Variants in SPEF2 observed in about 807,000 individuals in gnomAD.
SPEF2 encodes sperm flagellar and cilia associated 2.
In SPEF2, 187 loss-of-function variants were observed where a neutral mutation model predicts 224.6. That is an observed-to-expected ratio of 0.83 (90% confidence interval 0.74 to 0.94). The LOEUF is 0.94. Among genes scored for constraint, SPEF2 ranks in the 40% least tolerant of loss-of-function variants. The pLI is 0.00. For synonymous variants in SPEF2, 715 were observed against 707.3 expected, an observed-to-expected ratio of 1.01 and a Z score of -0.17; for missense variants, 2,170 against 2,135.6, an observed-to-expected ratio of 1.02 and a Z score of -0.32.
intron 30 of SPEF2, among the ~76,000 whole-genome samples, chr5:35,787,006 A>G (rs1046399273): frequency 1.3e-5 from 2 of 152,240 alleles, no homozygotes; most frequent in African/African-American, 4.8e-5. Flanking sequence ...GATTAGTAGC[A>G]TCAAAGAATG....
chr5:35,667,253 CAAAT>C lies in SPEF2; in HGVS notation c.1352_1355del (p.Asn451IlefsTer2), dbSNP rs1352796737. The C allele has an allele frequency of 1.9e-6, 3 of 1,591,332 alleles. No homozygotes were observed. Among genetic ancestry groups the C allele is most frequent in the South Asian group, 1.1e-5 (1 of 87,060 alleles). On this transcript the variant is annotated frameshift_variant and splice_region_variant, in exon 9 of 37. Coordinates refer to ENST00000356031, the MANE Select transcript of SPEF2 (RefSeq NM_024867.4). LOFTEE classifies it high-confidence loss of function. ...AAAGTGGCAGACTATCGAATGTTGACAAATAAGTAAGTATTTTTTTTGTAATAAC... is the reference window on the plus strand; with the variant it reads ...AAAGTGGCAGACTATCGAATGTTGACAAGTAAGTATTTTTTTTGTAATAAC...
At chr5:35,647,394 T>C (rs4703366) in intron 5 of SPEF2, among the ~76,000 whole-genome samples, 91,788 of 151,472 alleles carry the variant, frequency 0.61, 28,494 homozygotes, top group East Asian at 0.74. Context: ...CTCATGGGAA[T>C]TGATAGAGTC....
At chr5:35,623,772 A>C (rs60390801) in intron 1 of SPEF2, among the ~76,000 whole-genome samples, 1 of 152,220 alleles carries the variant, frequency 6.6e-6, no homozygotes, top group Non-Finnish European at 1.5e-5. Context: ...TAATCATTAA[A>C]GATCTGTTAT....
At position 35,670,210 on chromosome 5, in the gene SPEF2, G is replaced by A. The variant is rs1411241277; in HGVS notation, c.1507G>A (p.Asp503Asn). 2 of 1,608,778 alleles carry A rather than the reference G, an allele frequency of 1.2e-6. No homozygotes were observed. The highest frequency in any genetic ancestry group is 1.7e-6 in the Non-Finnish European group (2 of 1,177,390). ...GAAAAGGGACTTGCTAGATACCAATGATTATGAAGAATATAAGGTACCTAC... is the reference window on the plus strand; with the variant it reads ...GAAAAGGGACTTGCTAGATACCAATAATTATGAAGAATATAAGGTACCTAC... ...LEKRDLLDTN[D>N]YEEYKNMVGE... The change falls in exon 10 of 37, where the codon GAT becomes AAT. Residue 503 changes from aspartate to asparagine, a missense_variant. Transcript: ENST00000356031.
chr5:35,661,247 G>GTATATATTATATATATATATATATA (rs1235231970), intron 8 of SPEF2, among the ~76,000 whole-genome samples: 1 of 73,326 alleles, frequency 1.4e-5, no homozygotes, highest in Admixed American at 1.7e-4. Context: ...TTTTTTTTTG[G>GTATATATTATATATATATATATATA]TATATATTAT....
intron 23 of SPEF2, among the ~76,000 whole-genome samples, chr5:35,742,375 G>A (rs922696252): frequency 6.6e-6 from 1 of 151,750 alleles, no homozygotes; most frequent in African/African-American, 2.4e-5. Flanking sequence ...TTATTTTTAA[G>A]GTTTTTAAAA....
At chr5:35,757,101 A>G (rs1442946867) in intron 24 of SPEF2, among the ~76,000 whole-genome samples, 2 of 89,072 alleles carry the variant, frequency 2.2e-5, no homozygotes, top group East Asian at 1.6e-3. Context: ...TTTACTAGTT[A>G]TCATAACAAT....
chr5:35,652,344 A>G (rs1411538073), intron 6 of SPEF2, among the ~76,000 whole-genome samples: 1 of 152,202 alleles, frequency 6.6e-6, no homozygotes, highest in African/African-American at 2.4e-5. Flanking sequence ...AATCCAGGGC[A>G]GGAGCTTTTA....
rs1266895775 is a variant in SPEF2 at position 35,806,634 on chromosome 5, GTA to G, written c.5011-69_5011-68del. 6.5e-5 allele frequency: 99 copies of G among 1,526,870 alleles called. No individual in the cohort carries two copies. The South Asian group carries it at 1.3e-3, about 19-fold the overall frequency. 94.6% of individuals were successfully genotyped at this position (1,526,870 alleles called of 1,614,324 possible). ...TGAAAAGTGTGTGATTATGAAATTG[GTA>G]TATTCTAAAAGTCTCCATTGGTGGA... is the stretch of plus-strand genomic sequence containing the variant. On this transcript the variant is annotated intron_variant, in intron 34 of 36. Coordinates refer to ENST00000356031, the MANE Select transcript of SPEF2 (RefSeq NM_024867.4).
At chr5:35,698,520 A>G (rs992705681) in intron 15 of SPEF2, 6 of 152,200 alleles carry the variant, frequency 3.9e-5, no homozygotes, top group African/African-American at 1.4e-4. Flanking sequence ...TGCTCCAAAT[A>G]AAAATGTATA....
intron 10 of SPEF2, among the ~76,000 whole-genome samples, chr5:35,686,474 A>G (rs114572622): frequency 0.033 from 4,998 of 152,200 alleles, 138 homozygotes; most frequent in Admixed American, 0.054. Flanking sequence ...ACAGAAAAAT[A>G]CCATTTTACC....
chr5:35,682,869 G>A (rs1407327435), intron 10 of SPEF2, among the ~76,000 whole-genome samples: 1 of 152,140 alleles, frequency 6.6e-6, no homozygotes, highest in African/African-American at 2.4e-5. Context: ...AGATGCATGT[G>A]GTTTTTACAG....
intron 28 of SPEF2, 57 bp downstream of exon 28, chr5:35,774,078 A>C: frequency 6.3e-7 from 1 of 1,575,238 alleles, no homozygotes; most frequent in Non-Finnish European, 8.6e-7. Context: ...CCAGTAGCCA[A>C]ACAGCCCACA....
chr5:35,735,991 A>G (rs746979523), intron 21 of SPEF2, among the ~76,000 whole-genome samples: 1 of 152,218 alleles, frequency 6.6e-6, no homozygotes, highest in Non-Finnish European at 1.5e-5. Flanking sequence ...CCCAAACACT[A>G]TGGTAATTAA....
chr5:35,722,014 A>C (rs2149635968), intron 20 of SPEF2, among the ~76,000 whole-genome samples: 1 of 152,230 alleles, frequency 6.6e-6, no homozygotes, highest in East Asian at 1.9e-4. Flanking sequence ...AAATATGAAC[A>C]GTATTAGTTG....
Position 35,641,681 on chromosome 5 carries a change from G to A in SPEF2, c.412G>A (p.Glu138Lys), listed in dbSNP as rs1746643091. ...LQNMKSDTFQ[E>K]RLRHMIPRQT... ...AAACATGAAAAGTGATACTTTTCAA[G>A]AGGTAGGTACATAAAAAAGCATAAT... is the stretch of plus-strand genomic sequence containing the variant. Residue 138 changes from glutamate to lysine, a missense_variant and splice_region_variant, in exon 3 of 37, where the codon GAG becomes AAG. Coordinates refer to ENST00000356031, the MANE Select transcript of SPEF2 (RefSeq NM_024867.4). 6.2e-7 allele frequency: 1 copy of A among 1,612,224 alleles called. No homozygotes were observed. Among genetic ancestry groups the A allele is most frequent in the Non-Finnish European group, 8.5e-7 (1 of 1,179,228 alleles).
chr5:35,774,263 A>G (rs1365776797), intron 28 of SPEF2, among the ~76,000 whole-genome samples: 1 of 152,200 alleles, frequency 6.6e-6, no homozygotes, highest in Non-Finnish European at 1.5e-5. Flanking sequence ...CACGATCTCA[A>G]AAAGAACCAA....
chr5:35,788,438 A>G (rs1236177261), intron 30 of SPEF2: 1 of 702,712 alleles, frequency 1.4e-6, no homozygotes, highest in Admixed American at 2.0e-5. Context: ...ATTAGAAAAA[A>G]GTAAATTTTT....
intron 25 of SPEF2, among the ~76,000 whole-genome samples, chr5:35,760,139 A>G (rs1191643449): frequency 6.6e-6 from 1 of 152,100 alleles, no homozygotes; most frequent in Non-Finnish European, 1.5e-5. Flanking sequence ...AGGCAGGCAG[A>G]TCACGAGGTC....
Sources: gnomAD v4.1 joint callset for allele counts (sites outside exome capture counted in the v4.1 genomes callset) on GRCh38, gnomAD v4.1.1 for gene constraint, MANE v1.5 for transcripts, NCBI Gene and HGNC (gene_info 2026-07-23, HGNC 2026-07-21) for gene names.